The following TSPAN7 variants were observed in gnomAD, a reference collection of about 807,000 sequenced individuals.
TSPAN7 encodes the protein tetraspanin-7.
Under a neutral mutation model 17.6 loss-of-function variants are expected in TSPAN7, and 1 was observed. That is an observed-to-expected ratio of 0.06 (90% CI 0.02 to 0.27). The LOEUF (loss-of-function observed/expected upper bound fraction) is 0.27, where lower values mean the gene tolerates loss of function less well. Ranked by LOEUF, TSPAN7 falls within the 10% of genes least tolerant of loss-of-function variation. TSPAN7 has a pLI of 1.00. For missense variants in TSPAN7, 112 were observed against 201.7 expected, an observed-to-expected ratio of 0.56 and a Z score of 2.69; for synonymous variants, 78 against 79.0, an observed-to-expected ratio of 0.99 and a Z score of 0.07.
intron 7 of TSPAN7, 110 bp downstream of exon 7, chrX:38,687,784 G>A: frequency 1.8e-6 from 1 of 566,896 alleles, no homozygotes. Context: ...GATCTTGGTG[G>A]CACTTGTCCA....
At chrX:38,665,098 A>G (rs186712368) in intron 1 of TSPAN7, among the ~76,000 whole-genome samples, 144 of 111,961 alleles carry the variant, frequency 1.3e-3, no homozygotes, top group African/African-American at 4.4e-3. Context: ...TATCATGCCA[A>G]TTCTCTCCAG....
At position 38,573,338 on chromosome X, in the gene TSPAN7, A is replaced by G. The variant is rs112460974; in HGVS notation, c.81+11711A>G. On this transcript the variant is annotated intron_variant, in intron 1 of 7. Coordinates refer to ENST00000378482, the MANE Select transcript of TSPAN7 (RefSeq NM_004615.4). ...AGGACTCACTGAGTTTGGTCCTGTCATTGGGATAAAGGTATTCCTATTTAG... is the reference window on the plus strand; with the variant it reads ...AGGACTCACTGAGTTTGGTCCTGTCGTTGGGATAAAGGTATTCCTATTTAG... Among the ~76,000 whole-genome samples, 295 of 111,828 alleles carry G rather than the reference A, an allele frequency of 2.6e-3. 2 individuals are homozygous for G. The highest frequency in any genetic ancestry group is 8.9e-3 in the African/African-American group (274 of 30,844).
chrX:38,622,840 G>A (rs763470991), intron 1 of TSPAN7: 25 of 328,782 alleles, frequency 7.6e-5, no homozygotes, highest in African/African-American at 6.1e-4. Flanking sequence ...TCACGCACTA[G>A]TGTGATCTGC....
At chrX:38,679,373 T>C (rs368796368) in intron 5 of TSPAN7, among the ~76,000 whole-genome samples, 2 of 112,236 alleles carry the variant, frequency 1.8e-5, no homozygotes, top group African/African-American at 6.5e-5. Context: ...AGGGAGAAGA[T>C]ATAGTAATGA....
intron 1 of TSPAN7, among the ~76,000 whole-genome samples, chrX:38,659,823 C>CTTTTTTT (rs748922281): frequency 3.2e-4 from 20 of 61,591 alleles, no homozygotes; most frequent in Admixed American, 4.3e-4. Context: ...TTTTCTTTTT[C>CTTTTTTT]TTTTTTTTTT....
rs768413246 is a variant in TSPAN7 at position 38,619,211 on chromosome X, C to T, written c.82-46910C>T. 9.6e-4 allele frequency among the ~76,000 whole-genome samples: 106 copies of T among 110,891 alleles called. 1 individual carries two copies. The highest frequency in any genetic ancestry group is 1.5e-3 in the Non-Finnish European group (79 of 52,951). On this transcript the variant is annotated intron_variant, in intron 1 of 7. Coordinates refer to ENST00000378482, the MANE Select transcript of TSPAN7 (RefSeq NM_004615.4). Reference sequence around the variant, plus strand: ...CTTGACTGGGAGGCAGCAGCCACGCCAGCTGTTTGGGCCCCACTCACACCA... The same window carrying T: ...CTTGACTGGGAGGCAGCAGCCACGCTAGCTGTTTGGGCCCCACTCACACCA...
At chrX:38,609,133 G>A (rs2069403042) in intron 1 of TSPAN7, among the ~76,000 whole-genome samples, 1 of 112,359 alleles carries the variant, frequency 8.9e-6, no homozygotes, top group South Asian at 3.7e-4. Flanking sequence ...TCTCAGCAGT[G>A]TCTGATGAGT....
chrX:38,571,463 G>A (rs933784681), intron 1 of TSPAN7, among the ~76,000 whole-genome samples: 2 of 111,303 alleles, frequency 1.8e-5, no homozygotes, highest in Non-Finnish European at 3.8e-5. Context: ...TAGTAGGCTT[G>A]GTTCACTTGA....
chrX:38,677,298 A>G (rs752950228), intron 5 of TSPAN7, among the ~76,000 whole-genome samples: 4 of 112,451 alleles, frequency 3.6e-5, no homozygotes, highest in African/African-American at 9.7e-5. Flanking sequence ...TTAATGAGAT[A>G]AAGTGTCAAA....
chrX:38,619,877 G>A (rs193257931), intron 1 of TSPAN7, among the ~76,000 whole-genome samples: 2 of 112,322 alleles, frequency 1.8e-5, no homozygotes, highest in East Asian at 5.6e-4. Context: ...CACTAAGGAA[G>A]TATATGCTTC....
At chrX:38,655,617 A>G (rs781360481) in intron 1 of TSPAN7, among the ~76,000 whole-genome samples, 1 of 111,017 alleles carries the variant, frequency 9.0e-6, no homozygotes, top group South Asian at 3.8e-4. Flanking sequence ...AGGTTTTTCC[A>G]CATTTAATAG....
At chrX:38,592,055 G>T (rs1161257792) in intron 1 of TSPAN7, among the ~76,000 whole-genome samples, 1 of 111,389 alleles carries the variant, frequency 9.0e-6, no homozygotes, top group African/African-American at 3.3e-5. Flanking sequence ...GGAGCAGGAG[G>T]AAGAGAGTGA....
chrX:38,588,692 G>A (rs2069272706), intron 1 of TSPAN7, among the ~76,000 whole-genome samples: 1 of 111,565 alleles, frequency 9.0e-6, no homozygotes, highest in South Asian at 3.8e-4. Flanking sequence ...GACTCTTTTG[G>A]AACAATATTT....
At position 38,563,067 on chromosome X, in the gene TSPAN7, G is replaced by A. The variant is rs1442022579; in HGVS notation, c.81+1440G>A. ...CAAGGAAGAAGCAGAGATTTATTGA[G>A]GATCAAAAATATTCCTAATGCACCC... is the stretch of plus-strand genomic sequence containing the variant. On this transcript the variant is annotated intron_variant, in intron 1 of 7. Coordinates refer to ENST00000378482, the MANE Select transcript of TSPAN7 (RefSeq NM_004615.4). 22 of 969,221 alleles carry A rather than the reference G, an allele frequency of 2.3e-5. No individual in the cohort carries two copies. In the South Asian group the frequency reaches 3.2e-4, roughly 14 times the overall value. The allele number at this position is 969,221 out of a possible 1,213,427, so 79.9% of individuals were successfully genotyped here. A position where few individuals can be genotyped will look rare whatever the true frequency, so the allele number is the denominator to read the frequency against.
At chrX:38,632,232 G>A (rs781335095) in intron 1 of TSPAN7, among the ~76,000 whole-genome samples, 2 of 111,846 alleles carry the variant, frequency 1.8e-5, no homozygotes, top group African/African-American at 3.2e-5. Flanking sequence ...CAATGATGAC[G>A]CTAATTGGTA....
chrX:38,597,125 A>G (rs2069322383), intron 1 of TSPAN7, among the ~76,000 whole-genome samples: 1 of 111,131 alleles, frequency 9.0e-6, no homozygotes, highest in East Asian at 2.8e-4. Context: ...TATATTTGCA[A>G]ATTTGCTGAC....
intron 1 of TSPAN7, among the ~76,000 whole-genome samples, chrX:38,604,324 A>G: frequency 9.3e-6 from 1 of 106,985 alleles, no homozygotes; most frequent in Non-Finnish European, 1.9e-5. Context: ...ATAGTGCTGC[A>G]ATAAACATAC....
intron 1 of TSPAN7, among the ~76,000 whole-genome samples, chrX:38,564,646 C>T (rs983002578): frequency 1.3e-4 from 15 of 112,225 alleles, no homozygotes; most frequent in Admixed American, 1.3e-3. Context: ...TTTGTTATTG[C>T]CTGACTTTTT....
chrX:38,679,962 T>C (rs1397334360), intron 5 of TSPAN7, among the ~76,000 whole-genome samples: 3 of 110,924 alleles, frequency 2.7e-5, no homozygotes, highest in African/African-American at 9.9e-5. Flanking sequence ...CAACACACAC[T>C]GGGGCCTATA....
Sources: allele counts gnomAD v4.1 joint callset (sites outside exome capture counted in the v4.1 genomes callset), GRCh38; gene constraint gnomAD v4.1.1; transcripts MANE v1.5; gene names NCBI Gene and HGNC (gene_info 2026-07-23, HGNC 2026-07-21).